The following DCBLD1 variants were observed in gnomAD, a reference collection of about 807,000 sequenced individuals.
DCBLD1 encodes the protein discoidin, CUB and LCCL domain containing 1, also known as discoidin, CUB and LCCL domain-containing protein 1.
A neutral mutation model predicts 71.5 loss-of-function variants in DCBLD1; 57 were observed. The observed-to-expected ratio is 0.80, with a 90% CI of 0.64 to 0.99. The LOEUF is 0.99. DCBLD1 is among the 50% of genes least tolerant of loss of function. DCBLD1 has a pLI of 0.00. For missense variants in DCBLD1, 891 were observed against 923.5 expected (o/e 0.96, Z 0.46); for synonymous variants, 380 against 363.8 (o/e 1.04, Z -0.51).
chr6:117,544,526 A>G lies in DCBLD1; in HGVS notation c.1446-2A>G. The G allele has an allele frequency of 1.2e-6, 2 of 1,613,488 alleles. No individual in the cohort carries two copies. Among genetic ancestry groups the G allele is most frequent in the Non-Finnish European group, 1.7e-6 (2 of 1,179,860 alleles). On this transcript the variant is annotated splice_acceptor_variant, in intron 12 of 14. Transcript: ENST00000338728. LOFTEE classifies it high-confidence loss of function. ...ATTCAGTAGGACTTTTTGTCTTGAT[A>G]GGAAGAAGAAGAAAGGAAGTCCGTA...
At chr6:117,490,093 GCACACACACACACACA>G (rs34912807) in intron 1 of DCBLD1, among the ~76,000 whole-genome samples, 2 of 147,224 alleles carry the variant, frequency 1.4e-5, no homozygotes, top group Non-Finnish European at 3.0e-5. Context: ...TTATGTAAAT[GCACACACACACACACA>G]CACACACACA....
At position 117,549,292 on chromosome 6, in the gene DCBLD1, G is replaced by A. The variant is rs1027077670; in HGVS notation, c.*853G>A. The A allele has an allele frequency of 1.0e-6, 1 of 985,256 alleles. No homozygotes were observed. The allele number at this position is 985,256 out of a possible 1,614,324, so 61.0% of individuals were successfully genotyped here. A position where few individuals can be genotyped will look rare whatever the true frequency, so the allele number is the denominator to read the frequency against. On this transcript the variant is annotated 3_prime_UTR_variant, in exon 15 of 15. Transcript: ENST00000338728. ...CTTTCTTCAGAAGTAGCACATTTTC[G>A]TGACTTCCGCTGTCCTCTGAAAAAC...
chr6:117,550,075 G>T (rs1779401432), downstream of DCBLD1, among the ~76,000 whole-genome samples: 1 of 152,130 alleles, frequency 6.6e-6, no homozygotes. Flanking sequence ...TCTATAGTAG[G>T]TCCTTTTTTC....
At position 117,542,174 on chromosome 6, in the gene DCBLD1, T is replaced by G. The variant is rs570173629; in HGVS notation, c.1358-950T>G. ...TGGGCGTGGCAGCATGCGCCTGTAGTCCCAGCTACTCGGGAGGCTGAGGCA... is the reference window on the plus strand; with the variant it reads ...TGGGCGTGGCAGCATGCGCCTGTAGGCCCAGCTACTCGGGAGGCTGAGGCA... On this transcript the variant is annotated intron_variant, in intron 11 of 14. Transcript: ENST00000338728. Among the ~76,000 whole-genome samples, 13 of 151,820 alleles carry G rather than the reference T, an allele frequency of 8.6e-5. No individual in the cohort carries two copies. In the South Asian group the frequency reaches 2.5e-3, roughly 29 times the overall value.
At chr6:117,512,939 A>G (rs955130822) in intron 2 of DCBLD1, among the ~76,000 whole-genome samples, 7 of 152,104 alleles carry the variant, frequency 4.6e-5, no homozygotes, top group Non-Finnish European at 1.0e-4. Flanking sequence ...CTCTAATGAC[A>G]TGCATACTAT....
chr6:117,543,041 T>C lies in DCBLD1; in HGVS notation c.1358-83T>C, dbSNP rs964745057. The stretch of plus-strand genomic sequence containing the variant: ...CCTATATTAAATGCTTAAAGACTTT[T>C]CAATTCCATGTTCAGTTTTAAATCA... On this transcript the variant is annotated intron_variant, in intron 11 of 14. Coordinates refer to ENST00000338728, the MANE Select transcript of DCBLD1 (RefSeq NM_001366458.2). 3.4e-6 allele frequency: 4 copies of C among 1,183,956 alleles called. No individual in the cohort carries two copies. In the African/African-American group the frequency reaches 6.0e-5, roughly 18 times the overall value. 73.3% of individuals were successfully genotyped at this position (1,183,956 alleles called of 1,614,324 possible).
chr6:117,525,511 T>C (rs1003992806), intron 5 of DCBLD1, 77 bp downstream of exon 5: 2 of 1,069,238 alleles, frequency 1.9e-6, no homozygotes, highest in Non-Finnish European at 2.6e-6. Context: ...AATTACTGAG[T>C]AAAGTCAAAT....
chr6:117,548,396 G>A lies in DCBLD1; in HGVS notation c.2105G>A (p.Cys702Tyr). 1 of 1,550,662 alleles carries A rather than the reference G, an allele frequency of 6.4e-7. No homozygotes were observed. The change falls in exon 15 of 15, where the codon TGC (cysteine) becomes TAC (tyrosine). Residue 702 changes from cysteine to tyrosine, a missense_variant. Coordinates refer to ENST00000338728, the MANE Select transcript of DCBLD1 (RefSeq NM_001366458.2). ...TSDSYSAPRD[C>Y]LTPLNQTAMT... ...GACAGCTATTCTGCCCCCAGAGACT[G>A]CCTCACACCCCTCAACCAGACGGCC...
intron 1 of DCBLD1, among the ~76,000 whole-genome samples, chr6:117,487,446 G>A (rs937916983): frequency 2.6e-5 from 4 of 152,048 alleles, no homozygotes; most frequent in South Asian, 2.1e-4. Flanking sequence ...GCAACATAGC[G>A]AAATCCCATC....
intron 1 of DCBLD1, among the ~76,000 whole-genome samples, chr6:117,490,403 T>A (rs1777251964): frequency 6.6e-6 from 1 of 152,224 alleles, no homozygotes; most frequent in Non-Finnish European, 1.5e-5. Flanking sequence ...TCTAAGTCAT[T>A]TATTGCTACT....
Position 117,540,750 on chromosome 6 carries a change from T to TC in DCBLD1, c.1189dup (p.Gln397ProfsTer22). The stretch of plus-strand genomic sequence containing the variant: ...ATCGTGGCCAGATATGTGCGGGTTG[T>TC]CCCCCAGACATGGCACCAGAGGATA... On this transcript the variant is annotated frameshift_variant, in exon 10 of 15. Transcript: ENST00000338728. LOFTEE classifies it high-confidence loss of function. 6.2e-7 allele frequency: 1 copy of TC among 1,614,150 alleles called. No individual in the cohort carries two copies. The highest frequency in any genetic ancestry group is 1.1e-5 in the South Asian group (1 of 91,078).
rs150543606 is a variant in DCBLD1 at position 117,523,659 on chromosome 6, G to A, written c.513-1703G>A. On this transcript the variant is annotated intron_variant, in intron 4 of 14. Coordinates refer to ENST00000338728, the MANE Select transcript of DCBLD1 (RefSeq NM_001366458.2). ...CATTATTTTTATTTCTTAATTCCGC[G>A]AGTACTGCTGCAATGCAGGGACTCC... 2.0e-4 allele frequency among the ~76,000 whole-genome samples: 31 copies of A among 152,208 alleles called. No individual in the cohort carries two copies. The East Asian group carries it at 5.4e-3, about 27-fold the overall frequency.
intron 1 of DCBLD1, among the ~76,000 whole-genome samples, chr6:117,495,799 G>A (rs908562196): frequency 2.6e-5 from 4 of 152,304 alleles, no homozygotes; most frequent in Non-Finnish European, 4.4e-5. Flanking sequence ...TTAAAGAATA[G>A]CATTGGCTAG....
chr6:117,563,455 C>T, intron 14 of DCBLD1: 1 of 1,453,902 alleles, frequency 6.9e-7, no homozygotes, highest in Non-Finnish European at 9.5e-7. Context: ...GGTGCAGTGG[C>T]TCATACCTGT....
chr6:117,524,017 A>T (rs1363591440), intron 4 of DCBLD1, among the ~76,000 whole-genome samples: 1 of 152,034 alleles, frequency 6.6e-6, no homozygotes, highest in Non-Finnish European at 1.5e-5. Context: ...ACTTGAAGGG[A>T]CTAGAGATGA....
intron 14 of DCBLD1, 111 bp from the exon 15 acceptor site, chr6:117,547,796 A>G: frequency 6.5e-7 from 1 of 1,542,632 alleles, no homozygotes; most frequent in Non-Finnish European, 8.8e-7. Flanking sequence ...ACCTGAGGGC[A>G]CCCGGGGGGA....
Position 117,521,519 on chromosome 6 carries a change from T to C in DCBLD1, c.461-6T>C, listed in dbSNP as rs367665212. The C allele has an allele frequency of 4.4e-5, 69 of 1,574,416 alleles. No homozygotes were observed. Among genetic ancestry groups the C allele is most frequent in the Non-Finnish European group, 5.8e-5 (67 of 1,164,664 alleles). On this transcript the variant is annotated splice_region_variant and splice_polypyrimidine_tract_variant and intron_variant, in intron 3 of 14. Transcript: ENST00000338728. ...TATTAATTGCAATTATCTTTATTTATGACAGATTTAATAACATGTTTGGAA... is the reference window on the plus strand; with the variant it reads ...TATTAATTGCAATTATCTTTATTTACGACAGATTTAATAACATGTTTGGAA...
In DCBLD1 at chr6:117,549,513, T is replaced by C. The variant is rs1277880885; in HGVS notation, c.*1074T>C. ...TCAGTAGTTTTTATTTGAGTTTCTT[T>C]TGTGAGTTAACTATGGGAGATTTAA... On this transcript the variant is annotated 3_prime_UTR_variant, in exon 15 of 15. Transcript: ENST00000338728. 2 of 985,272 alleles carry C rather than the reference T, an allele frequency of 2.0e-6. No homozygotes were observed. Among genetic ancestry groups the C allele is most frequent in the East Asian group, 1.1e-4 (1 of 8,830 alleles). 61.0% of individuals were successfully genotyped at this position (985,272 alleles called of 1,614,324 possible).
intron 14 of DCBLD1, chr6:117,547,610 G>C (rs1779310662): frequency 1.5e-6 from 1 of 667,364 alleles, no homozygotes; most frequent in African/African-American, 1.8e-5. Flanking sequence ...AGCTTCTCCA[G>C]AGCCAGTTTC....
Sources: gnomAD v4.1 joint callset for allele counts (sites outside exome capture counted in the v4.1 genomes callset) on GRCh38, gnomAD v4.1.1 for gene constraint, MANE v1.5 for transcripts, NCBI Gene and HGNC (gene_info 2026-07-23, HGNC 2026-07-21) for gene names.